Variants in SCN1B observed in about 807,000 individuals in gnomAD.
The protein encoded by SCN1B is sodium channel regulatory subunit beta-1.
Under a neutral mutation model 25.7 loss-of-function variants are expected in SCN1B, and 11 were observed. The ratio of observed to expected loss-of-function variants is 0.43; its 90% CI spans 0.27 to 0.71. The LOEUF is 0.71. Ranked by LOEUF, SCN1B falls within the 30% of genes least tolerant of loss-of-function variation. The pLI is 0.21. For missense variants in SCN1B, 224 were observed against 291.5 expected (o/e 0.77, Z 1.69); for synonymous variants, 119 against 117.5 (o/e 1.01, Z -0.08).
Position 35,033,702 on chromosome 19 carries a change from C to T in SCN1B, c.411C>T (p.Ser137=), listed in dbSNP as rs202053988. The change falls in exon 3 of 6, where the codon AGC becomes AGT. Residue 137 remains serine (S), a synonymous_variant. Coordinates refer to ENST00000262631, the MANE Select transcript of SCN1B (RefSeq NM_001037.5). Reference sequence around the variant, plus strand: ...TCGAAAACTACGAGCACAACACCAGCGTCGTCAAGAAGATCCACATTGAGG... The same window carrying T: ...TCGAAAACTACGAGCACAACACCAGTGTCGTCAAGAAGATCCACATTGAGG... ...LFFENYEHNT[S]VVKKIHIEVV... The T allele has an allele frequency of 3.7e-6, 6 of 1,614,146 alleles. No homozygotes were observed. Among genetic ancestry groups the T allele is most frequent in the East Asian group, 2.2e-5 (1 of 44,866 alleles).
intron 4 of SCN1B, 92 bp from the exon 5 acceptor site, chr19:35,039,543 A>C: frequency 7.0e-6 from 9 of 1,281,740 alleles, no homozygotes; most frequent in Non-Finnish European, 9.1e-6. Context: ...AGCCCTGTGT[A>C]CCTGGGGTGG....
chr19:35,030,932 C>A, intron 1 of SCN1B, 72 bp downstream of exon 1: 1 of 243,878 alleles, frequency 4.1e-6, no homozygotes, highest in South Asian at 1.5e-4. Flanking sequence ...GAGTGGCGCT[C>A]GGGACACGGG....
chr19:35,031,383 A>T (rs1162801196), intron 1 of SCN1B: 1 of 151,276 alleles, frequency 6.6e-6, no homozygotes, highest in Admixed American at 6.6e-5. Flanking sequence ...AGAGAGAGAG[A>T]GTTAAGAGAC....
At position 35,039,334 on chromosome 19, in the gene SCN1B, G is replaced by T. The variant is rs1040619093; in HGVS notation, c.590+76G>T. The T allele has an allele frequency of 5.6e-6, 9 of 1,594,840 alleles. No homozygotes were observed. The African/African-American group carries it at 1.1e-4, about 19-fold the overall frequency. Reference sequence around the variant, plus strand: ...TGCCAGAGAGGAACTCCGGAGCCCGGGCAGGGAGGAGGCAGCGGAGCGGCC... The same window carrying T: ...TGCCAGAGAGGAACTCCGGAGCCCGTGCAGGGAGGAGGCAGCGGAGCGGCC... On this transcript the variant is annotated intron_variant, in intron 4 of 5. Transcript: ENST00000262631.
rs72550251 is a variant in SCN1B, at chr19:35,030,668, C to T, written c.-153C>T. On this transcript the variant is annotated 5_prime_UTR_variant, in exon 1 of 6. Transcript: ENST00000262631. ...CGGTAACCGGAGCGGGGGGGCCGCG[C>T]CCCCCCTCCTCCCCCCTCGCCGGTC... is the stretch of plus-strand genomic sequence containing the variant. 2 of 182,100 alleles carry T rather than the reference C, an allele frequency of 1.1e-5. No homozygotes were observed. The highest frequency in any genetic ancestry group is 1.7e-4 in the South Asian group (1 of 5,892). 11.3% of individuals were successfully genotyped at this position (182,100 alleles called of 1,614,324 possible).
At chr19:35,033,216 G>A (rs1028904557) in intron 2 of SCN1B, among the ~76,000 whole-genome samples, 1 of 152,096 alleles carries the variant, frequency 6.6e-6, no homozygotes, top group African/African-American at 2.4e-5. Context: ...GGGAAAGAAC[G>A]GCAGAGAATG....
At position 35,039,665 on chromosome 19, in the gene SCN1B, C is replaced by T. The variant is rs1378669075; in HGVS notation, c.621C>T (p.Ser207=). ...AATACCTGGCCATCACCTCTGAAAGCAAAGAGAACTGCACGGGCGTCCAGG... is the reference window on the plus strand; with the variant it reads ...AATACCTGGCCATCACCTCTGAAAGTAAAGAGAACTGCACGGGCGTCCAGG... ...ASEYLAITSE[S]KENCTGVQVA... is the part of the protein sequence containing the mutation. The change falls in exon 5 of 6, where the codon AGC becomes AGT. Residue 207 remains serine, a synonymous_variant. Transcript: ENST00000262631. The T allele has an allele frequency of 1.9e-6, 3 of 1,614,068 alleles. No individual in the cohort carries two copies. The African/African-American group carries it at 4.0e-5, about 22-fold the overall frequency.
At position 35,040,074 on chromosome 19, in the gene SCN1B, G is replaced by A. The variant is rs991599724; in HGVS notation, c.*283G>A. On this transcript the variant is annotated 3_prime_UTR_variant, in exon 6 of 6. Coordinates refer to ENST00000262631, the MANE Select transcript of SCN1B (RefSeq NM_001037.5). ...CTGCTGCCTGTTTGGGGAGGGGGGC[G>A]GTGAGGTGGGGGCAGCGGCCCCGCA... 3.8e-5 allele frequency: 12 copies of A among 318,740 alleles called. No homozygotes were observed. Among genetic ancestry groups the A allele is most frequent in the South Asian group, 1.9e-4 (6 of 32,072 alleles). 19.7% of individuals were successfully genotyped at this position (318,740 alleles called of 1,614,324 possible).
rs2151746638 is a variant in SCN1B, at chr19:35,033,940, C to T, written c.448+201C>T. ...GTTTCTCTCCAGCCCACGGAGAGGT[C>T]AAAGCATGCCTGTCCCCCACAGACG... On this transcript the variant is annotated intron_variant, in intron 3 of 5. Coordinates refer to ENST00000262631, the MANE Select transcript of SCN1B (RefSeq NM_001037.5). 1.3e-6 allele frequency: 2 copies of T among 1,556,528 alleles called. No individual in the cohort carries two copies. The highest frequency in any genetic ancestry group is 2.4e-5 in the South Asian group (2 of 85,066).
chr19:35,034,226 C>T (rs769549392), intron 3 of SCN1B: 1 of 1,475,932 alleles, frequency 6.8e-7, no homozygotes, highest in Admixed American at 2.1e-5. Context: ...GCCCTGCTGC[C>T]CTCTGTGGTG....
intron 1 of SCN1B, 30 bp downstream of exon 1, chr19:35,030,890 G>C: frequency 2.2e-6 from 1 of 458,260 alleles, no homozygotes; most frequent in Non-Finnish European, 3.1e-6. Context: ...GCGCGGCCGG[G>C]GGGCACCGCG....
chr19:35,030,890 G>T (rs1600361100), intron 1 of SCN1B, 30 bp downstream of exon 1: 1 of 458,260 alleles, frequency 2.2e-6, no homozygotes, highest in Non-Finnish European at 3.1e-6. Context: ...GCGCGGCCGG[G>T]GGGCACCGCG....
chr19:35,036,047 T>C (rs1179392050), intron 3 of SCN1B: 1 of 151,618 alleles, frequency 6.6e-6, no homozygotes, highest in Non-Finnish European at 1.5e-5. Context: ...TTTTTTTTTT[T>C]TGTAGAGACT....
Position 35,030,800 on chromosome 19 carries a change from C to A in SCN1B, c.-21C>A. On this transcript the variant is annotated 5_prime_UTR_variant, in exon 1 of 6. Coordinates refer to ENST00000262631, the MANE Select transcript of SCN1B (RefSeq NM_001037.5). The stretch of plus-strand genomic sequence containing the variant: ...TAATACCGGCGGCCCGGGAGGGGGG[C>A]GCAGCACGCGCCGCGCAGCCATGGG... 3 of 1,035,738 alleles carry A rather than the reference C, an allele frequency of 2.9e-6. No individual in the cohort carries two copies. Among genetic ancestry groups the A allele is most frequent in the South Asian group, 2.1e-5 (1 of 48,244 alleles). 64.2% of individuals were successfully genotyped at this position (1,035,738 alleles called of 1,614,324 possible). A position where few individuals can be genotyped will look rare whatever the true frequency, so the allele number is the denominator to read the frequency against.
chr19:35,034,386 A>G, intron 3 of SCN1B: 1 of 470,294 alleles, frequency 2.1e-6, no homozygotes, highest in Non-Finnish European at 3.9e-6. Flanking sequence ...GAGGCAGTGA[A>G]GGGCCACAGG....
chr19:35,031,089 G>A (rs975708611), intron 1 of SCN1B, among the ~76,000 whole-genome samples: 1 of 151,784 alleles, frequency 6.6e-6, no homozygotes, highest in Non-Finnish European at 1.5e-5. Context: ...ACAGCCTGGC[G>A]GCTGCAGGCG....
chr19:35,034,154 G>A, intron 3 of SCN1B: 1 of 1,550,248 alleles, frequency 6.5e-7, no homozygotes, highest in Non-Finnish European at 8.7e-7. Flanking sequence ...CACACGCCTG[G>A]CTTCCAGCAG....
chr19:35,031,093 G>A (rs2064210592), intron 1 of SCN1B, among the ~76,000 whole-genome samples: 1 of 151,708 alleles, frequency 6.6e-6, no homozygotes, highest in African/African-American at 2.4e-5. Flanking sequence ...CCTGGCGGCT[G>A]CAGGCGCCCA....
rs780958012 is a variant in SCN1B, at chr19:35,039,667, A to T, written c.623A>T (p.Lys208Ile). The T allele has an allele frequency of 1.3e-5, 21 of 1,614,058 alleles. No homozygotes were observed. Among genetic ancestry groups the T allele is most frequent in the Admixed American group, 3.3e-5 (2 of 60,014 alleles). ...TACCTGGCCATCACCTCTGAAAGCAAAGAGAACTGCACGGGCGTCCAGGTG... is the reference window on the plus strand; with the variant it reads ...TACCTGGCCATCACCTCTGAAAGCATAGAGAACTGCACGGGCGTCCAGGTG... ...SEYLAITSES[K>I]ENCTGVQVAE The change falls in exon 5 of 6, where the codon AAA (lysine) becomes ATA (isoleucine). Residue 208 changes from lysine (K) to isoleucine (I), a missense_variant. Around this residue, in one of 3 missense-constraint regions of SCN1B, gnomAD observed 52 missense variants for 50.8 expected, o/e 1.02. Transcript: ENST00000262631.
Sources: gnomAD v4.1 joint callset for allele counts (sites outside exome capture counted in the v4.1 genomes callset) on GRCh38, gnomAD v4.1.1 for gene constraint, gnomAD v4.1.1 regional missense constraint, MANE v1.5 for transcripts, NCBI Gene and HGNC (gene_info 2026-07-23, HGNC 2026-07-21) for gene names.